LRP6: variants seen among roughly 807,000 people sequenced by gnomAD.
The protein encoded by LRP6 is low-density lipoprotein receptor-related protein 6.
A neutral mutation model predicts 184.1 loss-of-function variants in LRP6; 43 were observed. The ratio of observed to expected loss-of-function variants is 0.23; its 90% CI spans 0.18 to 0.30. LRP6 has a LOEUF of 0.30. LRP6 is among the 10% of genes least tolerant of loss of function. LRP6 has a pLI of 1.00. For synonymous variants in LRP6, 719 were observed against 684.9 expected (o/e 1.05, Z -0.78); for missense variants, 1,571 against 2,005.3 (o/e 0.78, Z 4.14).
chr12:12,234,504 T>C (rs1279092756), intron 2 of LRP6, among the ~76,000 whole-genome samples: 1 of 151,850 alleles, frequency 6.6e-6, no homozygotes, highest in East Asian at 2.0e-4. Context: ...TACTGTATGT[T>C]ACTCTTTCAT....
intron 1 of LRP6, among the ~76,000 whole-genome samples, chr12:12,251,266 G>C (rs1052574786): frequency 1.3e-4 from 20 of 152,206 alleles, no homozygotes; most frequent in Non-Finnish European, 2.6e-4. Flanking sequence ...TTATTTGTAA[G>C]ATGTTTTTAA....
At chr12:12,139,344 G>C (rs746158154) in intron 15 of LRP6, among the ~76,000 whole-genome samples, 63 of 152,176 alleles carry the variant, frequency 4.1e-4, no homozygotes, top group Middle Eastern at 3.2e-3. Flanking sequence ...AGATGGGAAG[G>C]CATTGCCTGA....
rs117414667 is a variant in LRP6 at position 12,159,308 on chromosome 12, A to G, written c.2465-153T>C. On this transcript the variant is annotated intron_variant, in intron 11 of 22. Coordinates refer to ENST00000261349, the MANE Select transcript of LRP6 (RefSeq NM_002336.3). ...AAATAGAAAAATTCATTTAAAAGCA[A>G]TTCTAAAACGAGACCAATTCTCTGA... Among the ~76,000 whole-genome samples the G allele has an allele frequency of 3.2e-3, 495 of 152,312 alleles. 2 individuals carry two copies. Among genetic ancestry groups the G allele is most frequent in the Admixed American group, 9.5e-3 (145 of 15,294 alleles).
At chr12:12,194,759 A>G (rs1863709285) in intron 3 of LRP6, among the ~76,000 whole-genome samples, 3 of 152,154 alleles carry the variant, frequency 2.0e-5, no homozygotes, top group Non-Finnish European at 1.5e-5. Flanking sequence ...CTTTGAAATT[A>G]TATAATGTTT....
At chr12:12,220,174 G>A (rs931650986) in intron 2 of LRP6, among the ~76,000 whole-genome samples, 3 of 151,954 alleles carry the variant, frequency 2.0e-5, no homozygotes, top group Non-Finnish European at 4.4e-5. Flanking sequence ...TGCAGTCCCA[G>A]CTACTAGGGA....
In LRP6 at chr12:12,133,855, G is replaced by T. The variant is rs567667018; in HGVS notation, c.3733+1320C>A. On this transcript the variant is annotated intron_variant, in intron 17 of 22. Transcript: ENST00000261349. Reference sequence around the variant, plus strand: ...ACACATGCTATTTTTTGGGGGGGGGGGGGGGGGAGGGTAAAGTAACCATAA... The same window carrying T: ...ACACATGCTATTTTTTGGGGGGGGGTGGGGGGGAGGGTAAAGTAACCATAA... 1.0e-3 allele frequency among the ~76,000 whole-genome samples: 116 copies of T among 115,516 alleles called. 16 individuals carry two copies. Among genetic ancestry groups the T allele is most frequent in the African/African-American group, 3.4e-3 (111 of 32,268 alleles). The allele number at this position is 115,516 out of a possible 152,430, so 75.8% of individuals were successfully genotyped here. A position where few individuals can be genotyped will look rare whatever the true frequency, so the allele number is the denominator to read the frequency against.
intron 2 of LRP6, among the ~76,000 whole-genome samples, chr12:12,205,339 A>C (rs1254811273): frequency 1.4e-4 from 20 of 141,224 alleles, no homozygotes; most frequent in African/African-American, 4.3e-4. Flanking sequence ...CAAAAAAAAA[A>C]AAAAAAAAAA....
rs1243811007 is a variant in LRP6, at chr12:12,150,986, C to T, written c.2844G>A (p.Val948=). 8 of 1,614,160 alleles carry T rather than the reference C, an allele frequency of 5.0e-6. No individual in the cohort carries two copies. The highest frequency in any genetic ancestry group is 6.8e-6 in the Non-Finnish European group (8 of 1,180,010). ...FSQKSAINRM[V]IDEQQSPDII... Reference sequence around the variant, plus strand: ...TGTCGGGGCTCTGTTGTTCATCAATCACCATGCGGTTGATGGCACTCTTTT... The same window carrying T: ...TGTCGGGGCTCTGTTGTTCATCAATTACCATGCGGTTGATGGCACTCTTTT... Residue 948 remains valine (V), a synonymous_variant, in exon 13 of 23, where the codon GTG becomes GTA. Transcript: ENST00000261349.
Position 12,159,782 on chromosome 12 carries a change from A to C in LRP6, c.2462T>G (p.Leu821Arg). 6.2e-7 allele frequency: 1 copy of C among 1,614,078 alleles called. No homozygotes were observed. The change falls in exon 11 of 23, where the codon CTT becomes CGT. Residue 821 changes from leucine to arginine, a missense_variant and splice_region_variant. By Grantham distance (102) the Leu-to-Arg change is moderately radical. Transcript: ENST00000261349. ...DTNLIESSNM[L>R]GLNREVIADD... is the part of the protein sequence containing the mutation. ...GAGTAAAAAGTAGTAAAGCTTACCA[A>C]GCATATTTGAAGATTCTATTAAGTT...
At chr12:12,195,354 C>A (rs1863724555) in intron 3 of LRP6, among the ~76,000 whole-genome samples, 1 of 151,984 alleles carries the variant, frequency 6.6e-6, no homozygotes, top group South Asian at 2.1e-4. Context: ...GCATTCTTGA[C>A]CGTATTATTT....
chr12:12,185,068 G>C (rs952775344), intron 4 of LRP6, among the ~76,000 whole-genome samples: 1 of 152,172 alleles, frequency 6.6e-6, no homozygotes, highest in Non-Finnish European at 1.5e-5. Context: ...GCCTAGGTGC[G>C]TGGATCACTT....
chr12:12,153,876 T>C (rs1328005412), intron 12 of LRP6, among the ~76,000 whole-genome samples: 1 of 152,200 alleles, frequency 6.6e-6, no homozygotes, highest in African/African-American at 2.4e-5. Flanking sequence ...CACTGGTAGC[T>C]TAGACAAAGG....
At chr12:12,177,255 A>G (rs1863215117) in intron 7 of LRP6, among the ~76,000 whole-genome samples, 1 of 152,202 alleles carries the variant, frequency 6.6e-6, no homozygotes, top group South Asian at 2.1e-4. Context: ...GGGCATGACA[A>G]AAGCTAGGGA....
chr12:12,249,954 C>T (rs1349925809), intron 1 of LRP6, among the ~76,000 whole-genome samples: 2 of 152,328 alleles, frequency 1.3e-5, no homozygotes, highest in South Asian at 2.1e-4. Context: ...TGAGCCCCTC[C>T]CCTTTTCCCC....
In LRP6 at chr12:12,155,789, A is replaced by T. The variant is rs1450190886; in HGVS notation, c.2791+3040T>A. 7 of 826,810 alleles carry T rather than the reference A, an allele frequency of 8.5e-6. No individual in the cohort carries two copies. In the Admixed American group the frequency reaches 1.1e-4, roughly 12 times the overall value. The allele number at this position is 826,810 out of a possible 1,614,324, so 51.2% of individuals were successfully genotyped here. A position where few individuals can be genotyped will look rare whatever the true frequency, so the allele number is the denominator to read the frequency against. ...ATGGCATAATAGGTGTTAAAAAAAT[A>T]AAAGACTTCTGGACTGTTAAAAAAA... On this transcript the variant is annotated intron_variant, in intron 12 of 22. Coordinates refer to ENST00000261349, the MANE Select transcript of LRP6 (RefSeq NM_002336.3).
At chr12:12,252,832 C>T (rs904483545) in intron 1 of LRP6, among the ~76,000 whole-genome samples, 3 of 152,168 alleles carry the variant, frequency 2.0e-5, no homozygotes, top group Non-Finnish European at 4.4e-5. Context: ...ATACTCTATA[C>T]ATATATACAT....
chr12:12,165,635 A>C (rs943913844), intron 7 of LRP6, among the ~76,000 whole-genome samples: 1 of 152,146 alleles, frequency 6.6e-6, no homozygotes, highest in Non-Finnish European at 1.5e-5. Context: ...ATTATAATGT[A>C]CCTTCATATA....
chr12:12,266,555 G>C, intron 1 of LRP6, 126 bp downstream of exon 1: 219 of 561,160 alleles, frequency 3.9e-4, no homozygotes, highest in Middle Eastern at 1.1e-3. Context: ...CCCTCCCCAC[G>C]ACCAGGCCTC....
rs77016953 is a variant in LRP6, at chr12:12,141,400, A to G, written c.3398-2866T>C. On this transcript the variant is annotated intron_variant, in intron 15 of 22. Transcript: ENST00000261349. The stretch of plus-strand genomic sequence containing the variant: ...AGATGCTCAAAGACAATGGAGTTCT[A>G]TTTTCGAAATTCTGAGAGAAAACAG... Among the ~76,000 whole-genome samples the G allele has an allele frequency of 6.2e-3, 949 of 152,298 alleles. 4 individuals are homozygous for G. The highest frequency in any genetic ancestry group is 8.4e-3 in the Non-Finnish European group (571 of 67,990).
Sources: gnomAD v4.1 joint callset for allele counts (sites outside exome capture counted in the v4.1 genomes callset) on GRCh38, gnomAD v4.1.1 for gene constraint, MANE v1.5 for transcripts, NCBI Gene and HGNC (gene_info 2026-07-23, HGNC 2026-07-21) for gene names.